CBLN2: variants seen among roughly 807,000 people sequenced by gnomAD.
CBLN2 encodes the protein cerebellin-2.
A neutral mutation model predicts 15.0 loss-of-function variants in CBLN2; 7 were observed. The observed-to-expected ratio is 0.47, with a 90% confidence interval of 0.27 to 0.88. The LOEUF (loss-of-function observed/expected upper bound fraction) is 0.88. Ranked by LOEUF, CBLN2 falls within the 40% of genes least tolerant of loss-of-function variation. The probability of loss-of-function intolerance (pLI) is 0.14; values close to 1 mark genes in which losing one functional copy is unlikely to be tolerated. For synonymous variants in CBLN2, 149 were observed against 135.2 expected (o/e 1.10, Z -0.71); for missense variants, 242 against 304.5 (o/e 0.79, Z 1.53).
At chr18:72,591,294 G>C (rs1346043910) in intron 1 of CBLN2, among the ~76,000 whole-genome samples, 4 of 152,028 alleles carry the variant, frequency 2.6e-5, no homozygotes, top group Admixed American at 6.6e-5. Context: ...AGGGTAAAAA[G>C]GAAATTCCTA....
At chr18:72,608,699 T>A (rs2069600908) in intron 1 of CBLN2, among the ~76,000 whole-genome samples, 2 of 152,230 alleles carry the variant, frequency 1.3e-5, no homozygotes, top group African/African-American at 4.8e-5. Flanking sequence ...TGCTCCCACG[T>A]GCCTAGGAGC....
intron 1 of CBLN2, chr18:72,619,006 G>A (rs1452329275): frequency 3.9e-6 from 3 of 762,808 alleles, no homozygotes; most frequent in East Asian, 2.5e-5. Context: ...TCATGGATTT[G>A]GTAATGATGG....
chr18:72,554,123 A>G (rs1421603429), intron 1 of CBLN2, among the ~76,000 whole-genome samples: 1 of 152,208 alleles, frequency 6.6e-6, no homozygotes, highest in African/African-American at 2.4e-5. Context: ...TAATATGATG[A>G]AGAATGTTTA....
intron 1 of CBLN2, among the ~76,000 whole-genome samples, chr18:72,615,014 A>C (rs2144958770): frequency 6.9e-6 from 1 of 144,636 alleles, no homozygotes. Context: ...TTTGTCACTT[A>C]GCAACTTAAG....
intron 1 of CBLN2, among the ~76,000 whole-genome samples, chr18:72,582,928 T>A (rs2144920388): frequency 6.6e-6 from 1 of 152,350 alleles, no homozygotes; most frequent in African/African-American, 2.4e-5. Flanking sequence ...ATGTTTCCCA[T>A]CAAAACGCTG....
intron 4 of CBLN2, 21 bp downstream of exon 4, chr18:72,538,632 T>A (rs754615968): frequency 1.9e-6 from 3 of 1,613,014 alleles, no homozygotes; most frequent in African/African-American, 1.3e-5. Flanking sequence ...CCTGAAAGGA[T>A]CCAGTTTCAA....
chr18:72,597,692 C>A (rs1438758533), intron 1 of CBLN2, among the ~76,000 whole-genome samples: 1 of 152,214 alleles, frequency 6.6e-6, no homozygotes, highest in Non-Finnish European at 1.5e-5. Context: ...GGCTTCTAAT[C>A]AGAAACCTTT....
intron 1 of CBLN2, among the ~76,000 whole-genome samples, chr18:72,636,127 G>A (rs2069810807): frequency 6.6e-6 from 1 of 151,944 alleles, no homozygotes; most frequent in Non-Finnish European, 1.5e-5. Context: ...TTAATCTTTG[G>A]ACATTTACAT....
At chr18:72,602,503 C>T (rs1243793584) in intron 1 of CBLN2, among the ~76,000 whole-genome samples, 1 of 152,138 alleles carries the variant, frequency 6.6e-6, no homozygotes, top group Non-Finnish European at 1.5e-5. Flanking sequence ...CAACTCACCC[C>T]TGCATGAAAA....
At position 72,541,946 on chromosome 18, in the gene CBLN2, G is replaced by A. The variant is rs373648257; in HGVS notation, c.215C>T (p.Pro72Leu). Reference sequence around the variant, plus strand: ...GGAGGTGACGGCGCCGTCCGCCGACGGGCTGGAGTCGCACACCACCAGGCA... The same window carrying A: ...GGAGGTGACGGCGCCGTCCGCCGACAGGCTGGAGTCGCACACCACCAGGCA... ...GKCLVVCDSS[P>L]SADGAVTSSL... Residue 72 changes from proline to leucine, a missense_variant, in exon 3 of 5, where the codon CCG becomes CTG. Coordinates refer to ENST00000269503, the MANE Select transcript of CBLN2 (RefSeq NM_182511.4). 2.5e-6 allele frequency: 4 copies of A among 1,607,598 alleles called. No individual in the cohort carries two copies. Among genetic ancestry groups the A allele is most frequent in the Middle Eastern group, 1.7e-4 (1 of 5,840 alleles).
rs200309941 is a variant in CBLN2, at chr18:72,568,591, TA to T, written c.16-29820del. 9.2e-3 allele frequency among the ~76,000 whole-genome samples: 1,405 copies of T among 152,120 alleles called. 24 individuals are homozygous for T. The highest frequency in any genetic ancestry group is 0.032 in the African/African-American group (1,320 of 41,534). ...ACTAAAATAAAAAATAAAAATAAAC[TA>T]AAAAAATAAAATATTAAAAACAAAT... On this transcript the variant is annotated intron_variant, in intron 1 of 2. Transcript: ENST00000581073.
chr18:72,601,023 A>T, intron 1 of CBLN2, among the ~76,000 whole-genome samples: 1 of 152,208 alleles, frequency 6.6e-6, no homozygotes, highest in East Asian at 1.9e-4. Flanking sequence ...TAAACGGGGA[A>T]GTCACGTATC....
intron 1 of CBLN2, among the ~76,000 whole-genome samples, chr18:72,560,928 G>A (rs984268062): frequency 4.6e-5 from 7 of 152,104 alleles, no homozygotes; most frequent in Non-Finnish European, 1.0e-4. Context: ...AGAATGGTGT[G>A]AACCCAGGAG....
intron 1 of CBLN2, among the ~76,000 whole-genome samples, chr18:72,621,951 T>G (rs1458395448): frequency 1.3e-5 from 2 of 152,106 alleles, no homozygotes; most frequent in African/African-American, 2.4e-5. Flanking sequence ...CAAGATCGAG[T>G]GGAACACACA....
intron 1 of CBLN2, among the ~76,000 whole-genome samples, chr18:72,566,261 G>A (rs1313581921): frequency 6.6e-6 from 1 of 152,176 alleles, no homozygotes; most frequent in East Asian, 1.9e-4. Flanking sequence ...AGTATGGAAC[G>A]TCCTCAAAAT....
At chr18:72,574,477 A>G (rs1307968350) in intron 1 of CBLN2, among the ~76,000 whole-genome samples, 1 of 152,180 alleles carries the variant, frequency 6.6e-6, no homozygotes, top group African/African-American at 2.4e-5. Context: ...GCCGAGAACA[A>G]CATTAACTAA....
chr18:72,614,228 A>G (rs2069642202), intron 1 of CBLN2, among the ~76,000 whole-genome samples: 1 of 152,196 alleles, frequency 6.6e-6, no homozygotes, highest in Non-Finnish European at 1.5e-5. Context: ...ATTTCTCTTA[A>G]AAGCTATTTA....
chr18:72,562,794 G>A (rs866725230), intron 1 of CBLN2, among the ~76,000 whole-genome samples: 6 of 152,148 alleles, frequency 3.9e-5, no homozygotes, highest in Admixed American at 6.5e-5. Flanking sequence ...CATGATTCAC[G>A]GGGTTTTTAG....
chr18:72,598,272 C>T (rs1016052177), intron 1 of CBLN2, among the ~76,000 whole-genome samples: 1 of 152,178 alleles, frequency 6.6e-6, no homozygotes, highest in African/African-American at 2.4e-5. Flanking sequence ...ATGAATCCTG[C>T]CATGACTGCA....
Sources: allele counts gnomAD v4.1 joint callset (sites outside exome capture counted in the v4.1 genomes callset), GRCh38; gene constraint gnomAD v4.1.1; transcripts MANE v1.5; gene names NCBI Gene and HGNC (gene_info 2026-07-23, HGNC 2026-07-21).